The following MECOM variants were observed in gnomAD, a reference collection of about 807,000 sequenced individuals.
MECOM encodes the protein histone-lysine N-methyltransferase MECOM.
Under a neutral mutation model 116.3 loss-of-function variants are expected in MECOM, and 13 were observed. The ratio of observed to expected loss-of-function variants is 0.11; its 90% CI spans 0.07 to 0.18. The LOEUF is 0.18. Ranked by LOEUF, MECOM falls within the 10% of genes least tolerant of loss-of-function variation. The pLI, the probability that MECOM is intolerant of heterozygous loss-of-function variation, is 1.00. For synonymous variants in MECOM, 528 were observed against 535.2 expected (o/e 0.99, Z 0.19); for missense variants, 1,299 against 1,509.0 (o/e 0.86, Z 2.31).
At chr3:169,361,431 C>T (rs1728287287) in intron 2 of MECOM, among the ~76,000 whole-genome samples, 1 of 151,806 alleles carries the variant, frequency 6.6e-6, no homozygotes, top group Admixed American at 6.6e-5. Flanking sequence ...ACAATCCTTC[C>T]TTCACAAGGA....
chr3:169,538,316 G>T (rs1759636244), intron 1 of MECOM, among the ~76,000 whole-genome samples: 1 of 152,048 alleles, frequency 6.6e-6, no homozygotes, highest in Admixed American at 6.6e-5. Flanking sequence ...TGGGCCCAAG[G>T]TATACTTTTT....
At chr3:169,367,107 CT>C (rs1278667972) in intron 2 of MECOM, among the ~76,000 whole-genome samples, 1 of 151,978 alleles carries the variant, frequency 6.6e-6, no homozygotes, top group African/African-American at 2.4e-5. Context: ...TAGAAAAAGA[CT>C]ATATTGAATA....
chr3:169,293,408 G>A (rs1213229481), intron 2 of MECOM, among the ~76,000 whole-genome samples: 1 of 152,180 alleles, frequency 6.6e-6, no homozygotes, highest in East Asian at 1.9e-4. Flanking sequence ...CGTGTGTTTG[G>A]CTTTCTGGTT....
At chr3:169,199,649 C>G (rs538655714) in intron 2 of MECOM, among the ~76,000 whole-genome samples, 1 of 152,052 alleles carries the variant, frequency 6.6e-6, no homozygotes, top group South Asian at 2.1e-4. Context: ...CTGTGAGTTA[C>G]GTTACACATG....
intron 1 of MECOM, among the ~76,000 whole-genome samples, chr3:169,495,103 C>T (rs773156222): frequency 3.3e-5 from 5 of 152,266 alleles, no homozygotes; most frequent in East Asian, 1.9e-4. Flanking sequence ...TTCTCAATAC[C>T]GGTAATCCTG....
At chr3:169,096,345 G>T (rs1384542387) in intron 12 of MECOM, among the ~76,000 whole-genome samples, 2 of 150,708 alleles carry the variant, frequency 1.3e-5, no homozygotes, top group Non-Finnish European at 3.0e-5. Context: ...ATCTCGGCTC[G>T]CTGCAACCTC....
chr3:169,115,691 T>G lies in MECOM; in HGVS notation c.2181A>C (p.Pro727=). 1.2e-6 allele frequency: 2 copies of G among 1,614,156 alleles called. No homozygotes were observed. Among genetic ancestry groups the G allele is most frequent in the Non-Finnish European group, 1.7e-6 (2 of 1,180,010 alleles). The part of the protein sequence containing the change: ...SLPLKMEPQS[P]GEVKKLQKGS... ...CCTTCTGCAGTTTCTTTACTTCACCTGGTGATTGGGGTTCCATTTTCAAAG... is the reference window on the plus strand; with the variant it reads ...CCTTCTGCAGTTTCTTTACTTCACCGGGTGATTGGGGTTCCATTTTCAAAG... Residue 727 remains proline (P), a synonymous_variant, in exon 8 of 17, where the codon CCA becomes CCC. Transcript: ENST00000651503.
chr3:169,269,986 G>A (rs1329708091), intron 2 of MECOM, among the ~76,000 whole-genome samples: 1 of 152,094 alleles, frequency 6.6e-6, no homozygotes, highest in African/African-American at 2.4e-5. Flanking sequence ...GTGTGTGTGT[G>A]TGTGTAGGTA....
chr3:169,342,356 C>T (rs956148566), intron 2 of MECOM, among the ~76,000 whole-genome samples: 5 of 151,878 alleles, frequency 3.3e-5, no homozygotes, highest in Non-Finnish European at 7.4e-5. Flanking sequence ...CAGCTTACCC[C>T]TTACAGTATT....
At chr3:169,138,692 T>C (rs1469529524) in intron 3 of MECOM, among the ~76,000 whole-genome samples, 1 of 152,120 alleles carries the variant, frequency 6.6e-6, no homozygotes, top group Non-Finnish European at 1.5e-5. Flanking sequence ...GATACCCTTG[T>C]AAAGGAAGAG....
chr3:169,442,667 G>A (rs1163164924), intron 1 of MECOM, among the ~76,000 whole-genome samples: 2 of 152,092 alleles, frequency 1.3e-5, no homozygotes, highest in African/African-American at 4.8e-5. Flanking sequence ...GAGGCAAACA[G>A]GCAAAACAAA....
chr3:169,197,268 C>A (rs928079374), intron 2 of MECOM, among the ~76,000 whole-genome samples: 36 of 151,774 alleles, frequency 2.4e-4, no homozygotes, highest in African/African-American at 8.0e-4. Flanking sequence ...CCATGACACA[C>A]AATTTACCTG....
At chr3:169,624,755 A>C (rs1245946836) in intron 1 of MECOM, among the ~76,000 whole-genome samples, 2 of 152,198 alleles carry the variant, frequency 1.3e-5, no homozygotes, top group African/African-American at 2.4e-5. Flanking sequence ...CTGTTTTCCC[A>C]GACCAAACAT....
At chr3:169,202,819 CAAAAAAAAAA>C (rs11287862) in intron 2 of MECOM, among the ~76,000 whole-genome samples, 25,830 of 90,898 alleles carry the variant, frequency 0.28, 2,484 homozygotes, top group East Asian at 0.4. Flanking sequence ...TTGCCATTAG[CAAAAAAAAAA>C]AAAAAAAAAA....
At chr3:169,109,119 G>A (rs1415995766) in intron 9 of MECOM, among the ~76,000 whole-genome samples, 4 of 152,172 alleles carry the variant, frequency 2.6e-5, no homozygotes, top group Non-Finnish European at 5.9e-5. Flanking sequence ...CAAACGAAAT[G>A]GACATTCAGA....
chr3:169,130,245 A>T (rs963429062), intron 4 of MECOM, among the ~76,000 whole-genome samples: 2 of 152,176 alleles, frequency 1.3e-5, no homozygotes, highest in African/African-American at 4.8e-5. Context: ...TTTAGGTCTA[A>T]CATTTACAGA....
At chr3:169,247,611 C>T (rs771279790) in intron 2 of MECOM, among the ~76,000 whole-genome samples, 2 of 152,190 alleles carry the variant, frequency 1.3e-5, no homozygotes, top group Admixed American at 6.5e-5. Flanking sequence ...GCCTCTAATA[C>T]TTTTATTCAA....
At chr3:169,468,243 C>A (rs1429006529) in intron 1 of MECOM, among the ~76,000 whole-genome samples, 2 of 152,194 alleles carry the variant, frequency 1.3e-5, no homozygotes, top group East Asian at 1.9e-4. Context: ...CATTTCCCTT[C>A]CCCAGATAAC....
chr3:169,591,199 TGGA>T (rs1469131990), intron 1 of MECOM, among the ~76,000 whole-genome samples: 1 of 152,154 alleles, frequency 6.6e-6, no homozygotes, highest in African/African-American at 2.4e-5. Flanking sequence ...CGCTTATTAG[TGGA>T]GGAGAACTGG....
Sources: allele counts gnomAD v4.1 joint callset (sites outside exome capture counted in the v4.1 genomes callset), GRCh38; gene constraint gnomAD v4.1.1; transcripts MANE v1.5; gene names NCBI Gene and HGNC (gene_info 2026-07-23, HGNC 2026-07-21).